Variants in NPSR1 observed in about 807,000 individuals in gnomAD.
NPSR1 encodes neuropeptide S receptor.
Under a neutral mutation model 46.9 loss-of-function variants are expected in NPSR1, and 48 were observed. That is an observed-to-expected ratio of 1.02 (90% CI 0.81 to 1.30). The LOEUF (loss-of-function observed/expected upper bound fraction) is 1.30. Ranked by LOEUF, NPSR1 falls within the 50% of genes most tolerant of loss-of-function variation. The probability of loss-of-function intolerance (pLI) is 0.00; values close to 1 mark genes in which losing one functional copy is unlikely to be tolerated. For synonymous variants in NPSR1, 176 were observed against 168.1 expected (o/e 1.05, Z -0.36); for missense variants, 450 against 449.5 (o/e 1.00, Z -0.01).
At chr7:34,721,243 T>C (rs1783842167) in intron 2 of NPSR1, among the ~76,000 whole-genome samples, 1 of 152,066 alleles carries the variant, frequency 6.6e-6, no homozygotes, top group Non-Finnish European at 1.5e-5. Flanking sequence ...AAATTTGAGA[T>C]GCATTTCCAG....
At chr7:34,824,962 C>T (rs569933603) in intron 4 of NPSR1, among the ~76,000 whole-genome samples, 150 of 152,198 alleles carry the variant, frequency 9.9e-4, no homozygotes, top group African/African-American at 3.4e-3. Flanking sequence ...CTTCTCTCCA[C>T]GCCTGGTTTT....
At chr7:34,672,555 G>T (rs545800057) in intron 1 of NPSR1, among the ~76,000 whole-genome samples, 5 of 152,078 alleles carry the variant, frequency 3.3e-5, no homozygotes, top group Non-Finnish European at 5.9e-5. Context: ...CATGATCTAC[G>T]GCCCATGGTA....
intron 7 of NPSR1, among the ~76,000 whole-genome samples, chr7:34,846,789 A>G (rs551237694): frequency 1.2e-3 from 186 of 152,354 alleles, no homozygotes; most frequent in South Asian, 7.2e-3. Context: ...GCATTTCTAC[A>G]AATTTCAATA....
chr7:34,824,631 G>T (rs1001671406), intron 4 of NPSR1, among the ~76,000 whole-genome samples: 3 of 152,094 alleles, frequency 2.0e-5, no homozygotes, highest in Non-Finnish European at 4.4e-5. Flanking sequence ...TGGTAGAATT[G>T]ATTCTAAAGT....
At chr7:34,842,355 C>T (rs188548573) in intron 6 of NPSR1, among the ~76,000 whole-genome samples, 35 of 152,334 alleles carry the variant, frequency 2.3e-4, no homozygotes, top group Admixed American at 1.6e-3. Context: ...TCACCTTTGA[C>T]ACCTTTGGCA....
chr7:34,689,620 A>AAAAAAAAAAAAAAG (rs1793134880), intron 2 of NPSR1, among the ~76,000 whole-genome samples: 12 of 126,270 alleles, frequency 9.5e-5, no homozygotes, highest in Non-Finnish European at 1.5e-4. Context: ...AAAAAAAAAA[A>AAAAAAAAAAAAAAG]AAAAAAAAAA....
intron 3 of NPSR1, among the ~76,000 whole-genome samples, chr7:34,792,593 G>GTACA (rs1562732823): frequency 3.1e-5 from 4 of 127,774 alleles, no homozygotes; most frequent in Non-Finnish European, 6.6e-5. Context: ...ATATATATAC[G>GTACA]TATATATGTG....
chr7:34,775,636 T>C (rs908889481), intron 2 of NPSR1, among the ~76,000 whole-genome samples: 3 of 152,154 alleles, frequency 2.0e-5, no homozygotes, highest in Admixed American at 1.3e-4. Flanking sequence ...TTTATTAGTC[T>C]GGCTAAAGGT....
chr7:34,855,751 C>T (rs184675629), intron 8 of NPSR1, among the ~76,000 whole-genome samples: 239 of 152,054 alleles, frequency 1.6e-3, no homozygotes, highest in African/African-American at 5.5e-3. Flanking sequence ...CGCAGAAATA[C>T]ATGCAAAAAT....
At chr7:34,804,206 A>C (rs1408837597) in intron 3 of NPSR1, among the ~76,000 whole-genome samples, 1 of 152,164 alleles carries the variant, frequency 6.6e-6, no homozygotes, top group African/African-American at 2.4e-5. Flanking sequence ...TGATATTAAA[A>C]GAAAGGAAAA....
intron 2 of NPSR1, among the ~76,000 whole-genome samples, chr7:34,743,674 G>A (rs555475135): frequency 8.6e-5 from 13 of 152,002 alleles, no homozygotes; most frequent in East Asian, 5.8e-4. Flanking sequence ...TCCTAACCTC[G>A]TATCAGCTTT....
chr7:34,777,405 C>T (rs1284662557), intron 2 of NPSR1, among the ~76,000 whole-genome samples: 2 of 152,096 alleles, frequency 1.3e-5, no homozygotes, highest in Admixed American at 1.3e-4. Flanking sequence ...CTTTTCTCCC[C>T]TGGCACCTAG....
At chr7:34,694,625 T>C (rs554395177) in intron 2 of NPSR1, among the ~76,000 whole-genome samples, 38 of 152,310 alleles carry the variant, frequency 2.5e-4, no homozygotes, top group Admixed American at 1.3e-3. Context: ...ACAATCCCTA[T>C]CATATTACAA....
intron 2 of NPSR1, among the ~76,000 whole-genome samples, chr7:34,743,445 C>CTTT (rs201399099): frequency 3.4e-5 from 5 of 145,436 alleles, no homozygotes; most frequent in African/African-American, 1.3e-4. Context: ...TCTCTGTCTT[C>CTTT]TTTTTTTTTT....
intron 3 of NPSR1, among the ~76,000 whole-genome samples, chr7:34,786,283 C>T (rs924227521): frequency 3.3e-5 from 5 of 152,096 alleles, no homozygotes; most frequent in African/African-American, 1.2e-4. Context: ...ACTTTCTTTG[C>T]TCATCCATAA....
chr7:34,797,573 C>T (rs1358583145), intron 3 of NPSR1, among the ~76,000 whole-genome samples: 1 of 151,812 alleles, frequency 6.6e-6, no homozygotes, highest in Admixed American at 6.6e-5. Flanking sequence ...ACACATATAA[C>T]AGAAATACCA....
At chr7:34,821,153 T>TTTA (rs747960051) in intron 4 of NPSR1, among the ~76,000 whole-genome samples, 50 of 135,978 alleles carry the variant, frequency 3.7e-4, no homozygotes, top group South Asian at 2.3e-3. Context: ...TTTTTTTTTT[T>TTTA]AGACAGAGTC....
rs750515951 is a variant in NPSR1, at chr7:34,778,539, G to C, written c.358G>C (p.Val120Leu). The change falls in exon 3 of 9, where the codon GTT becomes CTT. Residue 120 changes from valine (V) to leucine (L), a missense_variant. Physicochemically the swap from Val to Leu is conservative, Grantham distance 32. Coordinates refer to ENST00000360581, the MANE Select transcript of NPSR1 (RefSeq NM_207172.2). ...FTGDFTAPDL[V>L]CRVVRYLQVV... is the part of the protein sequence containing the mutation. ...TGGAGACTTCACGGCACCTGACCTG[G>C]TTTGCCGAGTGGTCCGCTATTTGCA... 6.2e-7 allele frequency: 1 copy of C among 1,612,110 alleles called. No homozygotes were observed. The highest frequency in any genetic ancestry group is 8.5e-7 in the Non-Finnish European group (1 of 1,178,624).
At chr7:34,695,179 C>T (rs922516749) in intron 2 of NPSR1, among the ~76,000 whole-genome samples, 6 of 152,068 alleles carry the variant, frequency 3.9e-5, no homozygotes, top group Admixed American at 6.5e-5. Context: ...TGCAACCAAC[C>T]CATCTTTAAC....
Sources: allele counts gnomAD v4.1 joint callset (sites outside exome capture counted in the v4.1 genomes callset), GRCh38; gene constraint gnomAD v4.1.1; transcripts MANE v1.5; gene names NCBI Gene and HGNC (gene_info 2026-07-23, HGNC 2026-07-21).